SGCZ: variants seen among roughly 807,000 people sequenced by gnomAD.
The protein encoded by SGCZ is sarcoglycan zeta, also known as zeta-sarcoglycan.
A neutral mutation model predicts 41.3 loss-of-function variants in SGCZ; 40 were observed. That is an observed-to-expected ratio of 0.97 (90% CI 0.75 to 1.26). SGCZ has a LOEUF of 1.26. Among genes scored for constraint, SGCZ ranks in the 50% most tolerant of loss-of-function variants. The pLI is 0.00. For missense variants in SGCZ, 552 were observed against 369.8 expected (o/e 1.49, Z -4.04); for synonymous variants, 206 against 137.5 (o/e 1.50, Z -3.49).
intron 2 of SGCZ, among the ~76,000 whole-genome samples, chr8:14,341,275 T>C (rs1373282284): frequency 6.6e-6 from 1 of 152,208 alleles, no homozygotes; most frequent in Non-Finnish European, 1.5e-5. Context: ...TCAATTCTTT[T>C]GAGTATATAT....
At position 14,774,702 on chromosome 8, in the gene SGCZ, C is replaced by T. The variant is rs140700862; in HGVS notation, c.40-219776G>A. The stretch of plus-strand genomic sequence containing the variant: ...ACTTTGCTCAAAGTATTTAAGAAAT[C>T]GCTAGCTTGAAATGTGGTTAATTGA... On this transcript the variant is annotated intron_variant, in intron 1 of 7. Transcript: ENST00000382080. Among the ~76,000 whole-genome samples, 5 of 152,308 alleles carry T rather than the reference C, an allele frequency of 3.3e-5. No individual in the cohort carries two copies. The South Asian group carries it at 6.2e-4, about 19-fold the overall frequency.
intron 1 of SGCZ, among the ~76,000 whole-genome samples, chr8:15,006,165 T>G (rs541494549): frequency 6.6e-6 from 1 of 152,340 alleles, no homozygotes; most frequent in East Asian, 1.9e-4. Flanking sequence ...TTTTAATGTC[T>G]GTTTAGAAAT....
At chr8:14,757,267 T>C (rs772013357) in intron 1 of SGCZ, among the ~76,000 whole-genome samples, 3 of 152,216 alleles carry the variant, frequency 2.0e-5, no homozygotes, top group Non-Finnish European at 4.4e-5. Context: ...CAGGCTGGAC[T>C]CGAACCCCTG....
intron 1 of SGCZ, among the ~76,000 whole-genome samples, chr8:14,579,613 T>G (rs1804820413): frequency 6.6e-6 from 1 of 152,222 alleles, no homozygotes; most frequent in Non-Finnish European, 1.5e-5. Context: ...TTTCTAGCAA[T>G]TACTTTTTTA....
chr8:14,867,112 T>G (rs746906792), intron 1 of SGCZ, among the ~76,000 whole-genome samples: 1 of 152,178 alleles, frequency 6.6e-6, no homozygotes, highest in Non-Finnish European at 1.5e-5. Context: ...AATTTGTTTT[T>G]CTGTCTCCAC....
chr8:14,274,051 T>A (rs1281343303), intron 3 of SGCZ, among the ~76,000 whole-genome samples: 1 of 152,164 alleles, frequency 6.6e-6, no homozygotes, highest in Non-Finnish European at 1.5e-5. Context: ...GGGTATTGTT[T>A]TTTTTCAAAT....
intron 1 of SGCZ, among the ~76,000 whole-genome samples, chr8:15,021,639 G>A (rs1011268383): frequency 4.6e-5 from 7 of 152,220 alleles, no homozygotes; most frequent in Non-Finnish European, 8.8e-5. Context: ...CTCACCCTGC[G>A]TGGGATGTGA....
At chr8:15,059,898 G>T (rs565801801) in intron 1 of SGCZ, among the ~76,000 whole-genome samples, 4 of 152,256 alleles carry the variant, frequency 2.6e-5, no homozygotes, top group Non-Finnish European at 5.9e-5. Flanking sequence ...CCACTTTAAA[G>T]TAGGGGAATA....
At chr8:14,357,889 A>G (rs1256006479) in intron 2 of SGCZ, among the ~76,000 whole-genome samples, 1 of 152,200 alleles carries the variant, frequency 6.6e-6, no homozygotes, top group Non-Finnish European at 1.5e-5. Flanking sequence ...GCAATGACTA[A>G]TAATCAGCTA....
At chr8:14,327,705 A>G (rs1230058926) in intron 2 of SGCZ, among the ~76,000 whole-genome samples, 7 of 152,170 alleles carry the variant, frequency 4.6e-5, no homozygotes, top group African/African-American at 1.4e-4. Context: ...TTTCTACTTA[A>G]TATATGATTT....
At chr8:14,420,004 G>A (rs1238936901) in intron 2 of SGCZ, among the ~76,000 whole-genome samples, 3 of 152,060 alleles carry the variant, frequency 2.0e-5, no homozygotes, top group African/African-American at 7.2e-5. Flanking sequence ...TTTGTTGAAA[G>A]TATATTTTCT....
At chr8:14,872,968 T>C (rs1033853008) in intron 1 of SGCZ, among the ~76,000 whole-genome samples, 11 of 152,170 alleles carry the variant, frequency 7.2e-5, no homozygotes, top group Admixed American at 5.2e-4. Flanking sequence ...AACGTTTAAC[T>C]TGATAGGCGT....
At chr8:14,521,905 G>T (rs904435621) in intron 2 of SGCZ, among the ~76,000 whole-genome samples, 3 of 152,058 alleles carry the variant, frequency 2.0e-5, no homozygotes, top group Admixed American at 6.6e-5. Flanking sequence ...TGCTGTAGAT[G>T]CTGTACGTCA....
chr8:15,202,937 C>G (rs1475174178), intron 1 of SGCZ, among the ~76,000 whole-genome samples: 1 of 151,940 alleles, frequency 6.6e-6, no homozygotes. Flanking sequence ...ATGGTGAAAC[C>G]CTGTCTCTAC....
chr8:14,203,652 T>G (rs561717100), intron 4 of SGCZ, among the ~76,000 whole-genome samples: 1 of 152,190 alleles, frequency 6.6e-6, no homozygotes. Flanking sequence ...TGAAGGTCAC[T>G]GGAGGTGAGC....
At chr8:14,946,672 T>A (rs929570221) in intron 1 of SGCZ, among the ~76,000 whole-genome samples, 3 of 142,178 alleles carry the variant, frequency 2.1e-5, no homozygotes, top group African/African-American at 7.9e-5. Flanking sequence ...GTTAGAAATC[T>A]GTATTTTTTT....
chr8:14,988,792 T>G (rs573741043), intron 1 of SGCZ, among the ~76,000 whole-genome samples: 15 of 152,234 alleles, frequency 9.9e-5, no homozygotes, highest in Non-Finnish European at 2.1e-4. Flanking sequence ...TCCTAAGATA[T>G]GTAGAAGAAA....
At chr8:15,136,830 G>C (rs186426234) in intron 1 of SGCZ, among the ~76,000 whole-genome samples, 1 of 152,022 alleles carries the variant, frequency 6.6e-6, no homozygotes, top group Non-Finnish European at 1.5e-5. Context: ...CTGTTAGAAC[G>C]CAATAATCCA....
chr8:14,624,555 A>ATTTTTTT (rs750064815), intron 1 of SGCZ, among the ~76,000 whole-genome samples: 2 of 96,266 alleles, frequency 2.1e-5, no homozygotes, highest in African/African-American at 7.9e-5. Flanking sequence ...TATTATTATT[A>ATTTTTTT]TTTTTTTTTT....
Sources: allele counts gnomAD v4.1 joint callset (sites outside exome capture counted in the v4.1 genomes callset), GRCh38; gene constraint gnomAD v4.1.1; transcripts MANE v1.5; gene names NCBI Gene and HGNC (gene_info 2026-07-23, HGNC 2026-07-21).